Variants in GHRL observed in about 807,000 individuals in gnomAD.
GHRL encodes ghrelin and obestatin prepropeptide.
Under a neutral mutation model 16.9 loss-of-function variants are expected in GHRL, and 24 were observed. That is an observed-to-expected ratio of 1.42 (90% CI 1.03 to 2.00). GHRL has a LOEUF of 2.00. GHRL is among the 30% of genes most tolerant of loss of function. The pLI, the probability that GHRL is intolerant of heterozygous loss-of-function variation, is 0.00. For synonymous variants in GHRL, 63 were observed against 58.2 expected (o/e 1.08, Z -0.37); for missense variants, 193 against 142.1 (o/e 1.36, Z -1.82).
chr3:10,290,339 C>T (rs535903821), intron 2 of GHRL, 130 bp from the exon 3 acceptor site: 18 of 818,190 alleles, frequency 2.2e-5, no homozygotes, highest in African/African-American at 1.4e-4. Context: ...GTAGAGAGGA[C>T]CCCCGCTTCC....
Position 10,291,049 on chromosome 3 carries a change from T to G in GHRL, c.-363A>C. ...GGGTCTGGGTGCAGCTTTGTTGCTG[T>G]GTGACCTTAGCTTACTCGCCCTTTC... On this transcript the variant is annotated 5_prime_UTR_variant, in exon 2 of 6. Coordinates refer to ENST00000335542, the MANE Select transcript of GHRL (RefSeq NM_016362.5). 1.0e-6 allele frequency: 1 copy of G among 985,666 alleles called. No homozygotes were observed. The highest frequency in any genetic ancestry group is 1.2e-6 in the Non-Finnish European group (1 of 830,074). 61.1% of individuals were successfully genotyped at this position (985,666 alleles called of 1,614,324 possible). A position where few individuals can be genotyped will look rare whatever the true frequency, so the allele number is the denominator to read the frequency against.
At position 10,291,404 on chromosome 3, in the gene GHRL, G is replaced by A; in HGVS notation, c.-718C>T. Reference sequence around the variant, plus strand: ...TGCCTTGCCTCCCTCCAGCAGCTTTGGTCCCTATTTTAGCGGATGCCTCTT... The same window carrying A: ...TGCCTTGCCTCCCTCCAGCAGCTTTAGTCCCTATTTTAGCGGATGCCTCTT... On this transcript the variant is annotated 5_prime_UTR_variant, in exon 2 of 6. Coordinates refer to ENST00000335542, the MANE Select transcript of GHRL (RefSeq NM_016362.5). 1.0e-6 allele frequency: 1 copy of A among 985,478 alleles called. No individual in the cohort carries two copies. The highest frequency in any genetic ancestry group is 1.2e-6 in the Non-Finnish European group (1 of 829,976). 61.0% of individuals were successfully genotyped at this position (985,478 alleles called of 1,614,324 possible).
rs139629059 is a variant in GHRL at position 10,291,613 on chromosome 3, A to G, written c.-765-162T>C. 6.8e-3 allele frequency among the ~76,000 whole-genome samples: 1,037 copies of G among 152,248 alleles called. 3 individuals carry two copies. The highest frequency in any genetic ancestry group is 0.023 in the African/African-American group (969 of 41,550). ...CCTGTGAAACACCCTGCAGATGACA[A>G]TGGTTTCATACCAGGCCCATAGGAC... On this transcript the variant is annotated intron_variant, in intron 1 of 5. Coordinates refer to ENST00000335542, the MANE Select transcript of GHRL (RefSeq NM_016362.5).
rs1576049089 is a variant in GHRL at position 10,287,913 on chromosome 3, A to ATTTTTTTTTTTTTTTT, written c.226-1102_226-1101insAAAAAAAAAAAAAAAA. On this transcript the variant is annotated intron_variant, in intron 4 of 5. Coordinates refer to ENST00000335542, the MANE Select transcript of GHRL (RefSeq NM_016362.5). Reference sequence around the variant, plus strand: ...GACCCAGTGGGGAATGACATGATTGAATTTTTTTTTTTTTTTTTTTTTTTT... The same window carrying ATTTTTTTTTTTTTTTT: ...GACCCAGTGGGGAATGACATGATTGATTTTTTTTTTTTTTTTATTTTTTTTTTTTTTTTTTTTTTTT... The ATTTTTTTTTTTTTTTT allele has an allele frequency of 3.4e-5, 3 of 87,952 alleles. 1 individual carries two copies. Among genetic ancestry groups the ATTTTTTTTTTTTTTTT allele is most frequent in the African/African-American group, 3.5e-5 (1 of 28,938 alleles). The allele number at this position is 87,952 out of a possible 1,614,324, so 5.4% of individuals were successfully genotyped here. A position where few individuals can be genotyped will look rare whatever the true frequency, so the allele number is the denominator to read the frequency against.
At chr3:10,288,188 CT>C (rs1428244353) in intron 4 of GHRL, 1 of 152,038 alleles carries the variant, frequency 6.6e-6, no homozygotes, top group African/African-American at 2.4e-5. Context: ...GGGAGTGGGA[CT>C]TGGTCTCCAA....
chr3:10,285,867 G>T lies in GHRL; in HGVS notation c.*8C>A, dbSNP rs761669571. ...ACTTAGAGAGAGGTGAGTAAGGCTTGTGGGCGATCACTTGTCGGCTGGGGC... is the reference window on the plus strand; with the variant it reads ...ACTTAGAGAGAGGTGAGTAAGGCTTTTGGGCGATCACTTGTCGGCTGGGGC... On this transcript the variant is annotated 3_prime_UTR_variant, in exon 6 of 6. Coordinates refer to ENST00000335542, the MANE Select transcript of GHRL (RefSeq NM_016362.5). 1.4e-5 allele frequency: 23 copies of T among 1,612,676 alleles called. No homozygotes were observed. The highest frequency in any genetic ancestry group is 2.0e-5 in the Non-Finnish European group (23 of 1,178,804).
intron 4 of GHRL, 64 bp downstream of exon 4, chr3:10,289,698 C>T (rs1699646153): frequency 5.0e-6 from 5 of 1,003,438 alleles, no homozygotes; most frequent in Non-Finnish European, 6.4e-6. Context: ...TCTCCCTGCC[C>T]TCCCTCTCCC....
chr3:10,286,895 C>T (rs982840078), intron 4 of GHRL, 83 bp from the exon 5 acceptor site: 2 of 816,710 alleles, frequency 2.4e-6, no homozygotes, highest in Non-Finnish European at 4.2e-6. Flanking sequence ...GGCTCTCTGC[C>T]TCTCTTCAGG....
intron 4 of GHRL, among the ~76,000 whole-genome samples, chr3:10,288,444 C>T (rs75456973): frequency 0.018 from 2,721 of 152,304 alleles, 75 homozygotes; most frequent in African/African-American, 0.062. Context: ...GCAAAGTTCC[C>T]GCTGTACCAG....
At position 10,286,837 on chromosome 3, in the gene GHRL, C is replaced by T. The variant is rs1699154223; in HGVS notation, c.226-25G>A. Reference sequence around the variant, plus strand: ...ACTAGGAGGCAGGGCAGGGAGGACCCAGGAGATGTCAGAGGTCATGCCCAT... The same window carrying T: ...ACTAGGAGGCAGGGCAGGGAGGACCTAGGAGATGTCAGAGGTCATGCCCAT... On this transcript the variant is annotated intron_variant, in intron 4 of 5. Transcript: ENST00000335542. 5.2e-6 allele frequency: 7 copies of T among 1,357,802 alleles called. No individual in the cohort carries two copies. In the East Asian group the frequency reaches 1.6e-4, roughly 31 times the overall value. 84.1% of individuals were successfully genotyped at this position (1,357,802 alleles called of 1,614,324 possible).
At position 10,289,757 on chromosome 3, in the gene GHRL, C is replaced by T. The variant is rs1252608024; in HGVS notation, c.225+5G>A. Reference sequence around the variant, plus strand: ...ACAGAAGCATAAAACTGCAGAGGTACCGACCCGGACTTCCAGTTCATCCTC... The same window carrying T: ...ACAGAAGCATAAAACTGCAGAGGTATCGACCCGGACTTCCAGTTCATCCTC... On this transcript the variant is annotated splice_donor_5th_base_variant and intron_variant, in intron 4 of 5. Coordinates refer to ENST00000335542, the MANE Select transcript of GHRL (RefSeq NM_016362.5). 13 of 1,561,436 alleles carry T rather than the reference C, an allele frequency of 8.3e-6. No homozygotes were observed. The East Asian group carries it at 2.0e-4, about 24-fold the overall frequency.
rs1466409026 is a variant in GHRL, at chr3:10,291,310, G to T, written c.-624C>A. The stretch of plus-strand genomic sequence containing the variant: ...GGTGTGGGGATAACTTCAGCCAGTG[G>T]CTATGCTTCAGTCATTTCTGCCAGG... On this transcript the variant is annotated 5_prime_UTR_variant, in exon 2 of 6. Transcript: ENST00000335542. 1.0e-6 allele frequency: 1 copy of T among 985,498 alleles called. No homozygotes were observed. The allele number at this position is 985,498 out of a possible 1,614,324, so 61.0% of individuals were successfully genotyped here.
chr3:10,285,728 A>G lies in GHRL; in HGVS notation c.*147T>C, dbSNP rs898725190. 4.7e-5 allele frequency: 29 copies of G among 612,808 alleles called. No homozygotes were observed. The highest frequency in any genetic ancestry group is 7.8e-5 in the Non-Finnish European group (26 of 334,190). The allele number at this position is 612,808 out of a possible 1,614,324, so 38.0% of individuals were successfully genotyped here. A position where few individuals can be genotyped will look rare whatever the true frequency, so the allele number is the denominator to read the frequency against. ...TATTAACTTTTCCTCTTTGAAATAA[A>G]TTCCCATTTGGAACATCAGCATACA... On this transcript the variant is annotated 3_prime_UTR_variant, in exon 6 of 6. Transcript: ENST00000335542.
intron 3 of GHRL, 75 bp from the exon 4 acceptor site, chr3:10,289,953 G>A (rs890521356): frequency 8.0e-6 from 12 of 1,492,374 alleles, no homozygotes; most frequent in Admixed American, 6.9e-5. Flanking sequence ...CAGACCCAGA[G>A]TCCTTTGTGC....
In GHRL at chr3:10,285,968, T is replaced by C. The variant is rs1699001754; in HGVS notation, c.335-74A>G. On this transcript the variant is annotated intron_variant, in intron 5 of 5. Transcript: ENST00000335542. ...GTGCTTTTCTTCCACGGTGGTGAGA[T>C]TGGAGGTGGGATGTAATGGTGGGGG... is the stretch of plus-strand genomic sequence containing the variant. The C allele has an allele frequency of 3.0e-6, 4 of 1,352,048 alleles. No homozygotes were observed. In the South Asian group the frequency reaches 4.7e-5, roughly 16 times the overall value. The allele number at this position is 1,352,048 out of a possible 1,614,324, so 83.8% of individuals were successfully genotyped here.
intron 4 of GHRL, chr3:10,287,424 T>G (rs895544144): frequency 6.5e-6 from 1 of 153,262 alleles, no homozygotes; most frequent in African/African-American, 2.4e-5. Context: ...GGAGAGCGCC[T>G]CATCTCTTCC....
chr3:10,290,841 C>T lies in GHRL; in HGVS notation c.-155G>A. The T allele has an allele frequency of 1.0e-6, 1 of 986,184 alleles. No homozygotes were observed. Among genetic ancestry groups the T allele is most frequent in the Non-Finnish European group, 1.2e-6 (1 of 830,438 alleles). The allele number at this position is 986,184 out of a possible 1,614,324, so 61.1% of individuals were successfully genotyped here. On this transcript the variant is annotated 5_prime_UTR_variant, in exon 2 of 6. Transcript: ENST00000335542. ...AGCTTCCGTGGGGCTGATGTACATT[C>T]CTTGGGAACTAAAAATGTTCTTGTC...
chr3:10,287,807 A>G (rs1179941866), intron 4 of GHRL: 2 of 153,726 alleles, frequency 1.3e-5, no homozygotes, highest in East Asian at 3.8e-4. Context: ...AGGTGAGGAC[A>G]GAGGCGCAGA....
chr3:10,292,664 CT>C (rs1391647516), intron 1 of GHRL, 177 bp downstream of exon 1: 5 of 572,722 alleles, frequency 8.7e-6, no homozygotes, highest in Non-Finnish European at 1.5e-5. Flanking sequence ...GTGTAGACAT[CT>C]TTTGGCCCTG....
Sources: allele counts gnomAD v4.1 joint callset (sites outside exome capture counted in the v4.1 genomes callset), GRCh38; gene constraint gnomAD v4.1.1; transcripts MANE v1.5; gene names NCBI Gene and HGNC (gene_info 2026-07-23, HGNC 2026-07-21).